Variants in C8orf34 observed in about 807,000 individuals in gnomAD.
C8orf34 encodes chromosome 8 open reading frame 34, also known as uncharacterized protein C8orf34.
C8orf34 carries 65 observed loss-of-function variants against 68.3 expected under a neutral mutation model. The observed-to-expected ratio is 0.95, with a 90% CI of 0.78 to 1.17. The LOEUF is 1.17. C8orf34 is among the 50% of genes most tolerant of loss of function. The pLI is 0.00. For synonymous variants in C8orf34, 244 were observed against 241.2 expected, an observed-to-expected ratio of 1.01 and a Z score of -0.11; for missense variants, 664 against 655.4, an observed-to-expected ratio of 1.01 and a Z score of -0.14.
intron 12 of C8orf34, among the ~76,000 whole-genome samples, chr8:68,796,042 T>C (rs1229001091): frequency 6.6e-6 from 1 of 152,198 alleles, no homozygotes; most frequent in Admixed American, 6.5e-5. Context: ...GTCAAATACA[T>C]CCTTCCCTCT....
intron 8 of C8orf34, among the ~76,000 whole-genome samples, chr8:68,698,795 A>C (rs2130927545): frequency 6.6e-6 from 1 of 152,196 alleles, no homozygotes; most frequent in Middle Eastern, 3.4e-3. Flanking sequence ...AGTCACACTC[A>C]GATTTTGAGC....
chr8:68,343,163 AC>A (rs2129618109), intron 1 of C8orf34, among the ~76,000 whole-genome samples: 1 of 152,324 alleles, frequency 6.6e-6, no homozygotes, highest in Non-Finnish European at 1.5e-5. Context: ...ACAAGAAGAG[AC>A]ATTTCACATA....
chr8:68,680,397 T>G (rs1820332884), intron 8 of C8orf34, among the ~76,000 whole-genome samples: 2 of 152,288 alleles, frequency 1.3e-5, no homozygotes, highest in South Asian at 2.1e-4. Flanking sequence ...GTCAGCCAGC[T>G]GAGAAATAAA....
chr8:68,437,572 A>G lies in C8orf34; in HGVS notation c.328-1927A>G, dbSNP rs1240748668. On this transcript the variant is annotated intron_variant, in intron 1 of 13. Transcript: ENST00000518698. ...TTTAGATTGCATTCCACAGATGTAT[A>G]CTTATGATTTAACTGAACTCTACAT... Among the ~76,000 whole-genome samples the G allele has an allele frequency of 3.3e-5, 5 of 152,222 alleles. No individual in the cohort carries two copies. The East Asian group carries it at 7.7e-4, about 23-fold the overall frequency.
At position 68,797,576 on chromosome 8, in the gene C8orf34, C is replaced by T. The variant is rs540974017; in HGVS notation, c.1549+10040C>T. Among the ~76,000 whole-genome samples the T allele has an allele frequency of 4.7e-4, 72 of 152,102 alleles. No homozygotes were observed. The South Asian group carries it at 0.014, about 30-fold the overall frequency. On this transcript the variant is annotated intron_variant, in intron 12 of 13. Transcript: ENST00000518698. Reference sequence around the variant, plus strand: ...AAAAGTTTCTTCTCCTTCACCTAACCTCAGGTTACTTGTTTCCAGGCAGTC... The same window carrying T: ...AAAAGTTTCTTCTCCTTCACCTAACTTCAGGTTACTTGTTTCCAGGCAGTC...
At chr8:68,778,108 T>C (rs189130031) in intron 11 of C8orf34, among the ~76,000 whole-genome samples, 64 of 152,318 alleles carry the variant, frequency 4.2e-4, no homozygotes, top group Admixed American at 3.7e-3. Context: ...AGACAATCCA[T>C]TTATGTATTA....
intron 4 of C8orf34, among the ~76,000 whole-genome samples, chr8:68,476,977 A>G (rs968136154): frequency 6.6e-6 from 1 of 152,120 alleles, no homozygotes; most frequent in African/African-American, 2.4e-5. Flanking sequence ...AATTTTCCTG[A>G]TAGCCCTTAT....
chr8:68,485,846 G>A (rs1182742655), intron 4 of C8orf34, among the ~76,000 whole-genome samples: 1 of 151,482 alleles, frequency 6.6e-6, no homozygotes, highest in Non-Finnish European at 1.5e-5. Context: ...TATGACTTTG[G>A]GTGAGAAACA....
intron 8 of C8orf34, among the ~76,000 whole-genome samples, chr8:68,673,969 G>A (rs1820100192): frequency 6.6e-6 from 1 of 152,190 alleles, no homozygotes; most frequent in Non-Finnish European, 1.5e-5. Context: ...GAAATTAAGG[G>A]AAGAGAACAA....
At chr8:68,811,480 C>T (rs367552090) in intron 12 of C8orf34, among the ~76,000 whole-genome samples, 6 of 152,306 alleles carry the variant, frequency 3.9e-5, no homozygotes, top group East Asian at 3.9e-4. Context: ...TCCACCTTTT[C>T]CCAGCTCCCA....
chr8:68,768,179 C>T (rs997572591), intron 10 of C8orf34, among the ~76,000 whole-genome samples: 7 of 152,134 alleles, frequency 4.6e-5, no homozygotes, highest in Non-Finnish European at 8.8e-5. Context: ...CATGAGAGCT[C>T]CTTCAAGTTT....
intron 1 of C8orf34, among the ~76,000 whole-genome samples, chr8:68,400,381 T>G (rs1808894700): frequency 1.3e-5 from 2 of 152,092 alleles, no homozygotes; most frequent in Non-Finnish European, 2.9e-5. Context: ...TTCTTCTGCA[T>G]GTGGCTATCC....
At chr8:68,460,037 C>G (rs922497326) in intron 3 of C8orf34, among the ~76,000 whole-genome samples, 44 of 152,150 alleles carry the variant, frequency 2.9e-4, no homozygotes, top group Non-Finnish European at 4.9e-4. Flanking sequence ...CTTTCCTAGT[C>G]AAAGAAAGGG....
At chr8:68,675,159 G>C (rs988769741) in intron 8 of C8orf34, among the ~76,000 whole-genome samples, 5 of 152,106 alleles carry the variant, frequency 3.3e-5, no homozygotes, top group Non-Finnish European at 7.4e-5. Flanking sequence ...GCTACAGAGA[G>C]TTCTTCAATC....
chr8:68,654,981 A>T (rs1341889537), intron 8 of C8orf34, among the ~76,000 whole-genome samples: 1 of 152,200 alleles, frequency 6.6e-6, no homozygotes, highest in Non-Finnish European at 1.5e-5. Context: ...GCATATCCAA[A>T]AAATTTACAT....
At chr8:68,401,860 T>TG (rs1348422112) in intron 1 of C8orf34, among the ~76,000 whole-genome samples, 9 of 107,518 alleles carry the variant, frequency 8.4e-5, no homozygotes, top group African/African-American at 2.8e-4. Flanking sequence ...ACAGTTCTCT[T>TG]TTGTGTGTGT....
intron 6 of C8orf34, among the ~76,000 whole-genome samples, chr8:68,529,451 G>C (rs1815153310): frequency 6.6e-6 from 1 of 152,146 alleles, no homozygotes; most frequent in Admixed American, 6.5e-5. Flanking sequence ...AATTCAAAAT[G>C]CTCTGACAAT....
chr8:68,733,597 C>T (rs1822044426), intron 10 of C8orf34, among the ~76,000 whole-genome samples: 1 of 151,916 alleles, frequency 6.6e-6, no homozygotes. Flanking sequence ...ACAGGTTTAG[C>T]GTTTCAATAT....
At chr8:68,710,291 T>C (rs1028681273) in intron 9 of C8orf34, among the ~76,000 whole-genome samples, 2 of 152,102 alleles carry the variant, frequency 1.3e-5, no homozygotes, top group East Asian at 3.9e-4. Context: ...ATGCGAAAAT[T>C]TGTGAGTCTT....
Sources: allele counts gnomAD v4.1 joint callset (sites outside exome capture counted in the v4.1 genomes callset), GRCh38; gene constraint gnomAD v4.1.1; transcripts MANE v1.5; gene names NCBI Gene and HGNC (gene_info 2026-07-23, HGNC 2026-07-21).